Variants in EYS observed in about 807,000 individuals in gnomAD.
The protein encoded by EYS is protein eyes shut homolog.
A neutral mutation model predicts 282.1 loss-of-function variants in EYS; 250 were observed. That is an observed-to-expected ratio of 0.89 (90% CI 0.80 to 0.98). The LOEUF (loss-of-function observed/expected upper bound fraction) is 0.98, where lower values mean the gene tolerates loss of function less well. EYS is among the 50% of genes least tolerant of loss of function. The pLI, the probability that EYS is intolerant of heterozygous loss-of-function variation, is 0.00. For synonymous variants in EYS, 1,355 were observed against 1,282.9 expected, an observed-to-expected ratio of 1.06 and a Z score of -1.20; for missense variants, 4,016 against 3,709.0, an observed-to-expected ratio of 1.08 and a Z score of -2.15.
rs189596132 is a variant in EYS, at chr6:65,019,180, C to A, written c.2138-21477G>T. On this transcript the variant is annotated intron_variant, in intron 13 of 42. Coordinates refer to ENST00000503581, the MANE Select transcript of EYS (RefSeq NM_001142800.2). Reference sequence around the variant, plus strand: ...TTTCAGTCTAATAGGAAAATTATTTCTTTATATTAAAATTTTTGTGAATCT... The same window carrying A: ...TTTCAGTCTAATAGGAAAATTATTTATTTATATTAAAATTTTTGTGAATCT... Among the ~76,000 whole-genome samples, 391 of 152,184 alleles carry A rather than the reference C, an allele frequency of 2.6e-3. 1 individual carries two copies. The highest frequency in any genetic ancestry group is 4.9e-3 in the Non-Finnish European group (330 of 67,986).
intron 22 of EYS, among the ~76,000 whole-genome samples, chr6:64,769,226 A>G (rs1047492700): frequency 2.0e-5 from 3 of 152,092 alleles, no homozygotes; most frequent in African/African-American, 7.2e-5. Flanking sequence ...TTCTGCAGAT[A>G]CCAGCTGAAC....
At chr6:65,531,818 A>G (rs1313614435) in intron 2 of EYS, among the ~76,000 whole-genome samples, 1 of 152,156 alleles carries the variant, frequency 6.6e-6, no homozygotes, top group Non-Finnish European at 1.5e-5. Context: ...GAGCCACCAT[A>G]AGAAGCAACT....
intron 35 of EYS, among the ~76,000 whole-genome samples, chr6:63,924,573 T>C (rs1764663359): frequency 6.6e-6 from 1 of 152,184 alleles, no homozygotes; most frequent in African/African-American, 2.4e-5. Flanking sequence ...GAGAGAACTA[T>C]TTTTGGGGGG....
At chr6:63,812,891 ATTC>A (rs1190209856) in intron 36 of EYS, among the ~76,000 whole-genome samples, 6 of 152,194 alleles carry the variant, frequency 3.9e-5, no homozygotes, top group Admixed American at 1.3e-4. Flanking sequence ...TGGAATCTTA[ATTC>A]TTCTAGTGTG....
At chr6:64,300,363 G>A (rs1020792395) in intron 30 of EYS, among the ~76,000 whole-genome samples, 2 of 152,136 alleles carry the variant, frequency 1.3e-5, no homozygotes, top group Non-Finnish European at 2.9e-5. Context: ...GCAGCCCATG[G>A]CAAAATTTCT....
chr6:65,092,179 A>G (rs951372327), intron 12 of EYS, among the ~76,000 whole-genome samples: 3 of 152,162 alleles, frequency 2.0e-5, no homozygotes, highest in Non-Finnish European at 2.9e-5. Context: ...ATAGAAACTC[A>G]AGAACGAAAA....
intron 26 of EYS, among the ~76,000 whole-genome samples, chr6:64,440,614 T>G (rs1056992233): frequency 2.0e-5 from 3 of 152,086 alleles, no homozygotes; most frequent in East Asian, 1.9e-4. Context: ...TTTTTCCCCA[T>G]GTAGCGTTTC....
At chr6:65,149,669 T>A (rs2150214304) in intron 12 of EYS, among the ~76,000 whole-genome samples, 1 of 152,206 alleles carries the variant, frequency 6.6e-6, no homozygotes, top group Non-Finnish European at 1.5e-5. Flanking sequence ...TCTAGGAAGT[T>A]CCAAACTTTT....
chr6:64,813,661 A>G, intron 21 of EYS, 84 bp from the exon 22 acceptor site: 1 of 866,272 alleles, frequency 1.2e-6, no homozygotes, highest in Non-Finnish European at 1.6e-6. Context: ...TTTAAACATA[A>G]TCTAAAAAAC....
intron 39 of EYS, among the ~76,000 whole-genome samples, chr6:63,781,459 C>G (rs1215889180): frequency 6.6e-6 from 1 of 152,100 alleles, no homozygotes; most frequent in Non-Finnish European, 1.5e-5. Flanking sequence ...TGAAGAGGTC[C>G]TTCACATCCC....
chr6:65,389,429 C>T (rs958145810), intron 7 of EYS, among the ~76,000 whole-genome samples: 3 of 152,136 alleles, frequency 2.0e-5, no homozygotes, highest in Admixed American at 2.0e-4. Context: ...CATTCCCTCG[C>T]ATCATTCAAA....
intron 26 of EYS, among the ~76,000 whole-genome samples, chr6:64,586,856 G>GCTC (rs1430020323): frequency 6.6e-6 from 1 of 151,996 alleles, no homozygotes; most frequent in Non-Finnish European, 1.5e-5. Context: ...GGTTCATGAA[G>GCTC]CTCTGATTGC....
intron 12 of EYS, among the ~76,000 whole-genome samples, chr6:65,112,981 T>C (rs1342870095): frequency 1.3e-5 from 2 of 152,086 alleles, no homozygotes; most frequent in Non-Finnish European, 2.9e-5. Flanking sequence ...ACCTTCTAAA[T>C]TGGTGAAAAT....
chr6:65,340,792 AC>A (rs1770172114), intron 10 of EYS, among the ~76,000 whole-genome samples: 1 of 151,164 alleles, frequency 6.6e-6, no homozygotes, highest in Non-Finnish European at 1.5e-5. Flanking sequence ...TTTCTCCATC[AC>A]CAGAATAGTC....
intron 11 of EYS, among the ~76,000 whole-genome samples, chr6:65,327,901 T>A (rs1264273148): frequency 6.6e-6 from 1 of 151,424 alleles, no homozygotes; most frequent in Non-Finnish European, 1.5e-5. Flanking sequence ...TTCAATATAG[T>A]TAAAAAATTC....
At chr6:64,707,106 TACAC>T (rs541099764) in intron 22 of EYS, among the ~76,000 whole-genome samples, 25 of 112,716 alleles carry the variant, frequency 2.2e-4, no homozygotes, top group Admixed American at 7.0e-4. Context: ...TATATATGCA[TACAC>T]ACACACACAC....
Position 65,447,034 on chromosome 6 carries a change from T to A in EYS, c.863-41667A>T, listed in dbSNP as rs73445191. Among the ~76,000 whole-genome samples the A allele has an allele frequency of 4.5e-3, 689 of 151,678 alleles. 3 individuals carry two copies. The highest frequency in any genetic ancestry group is 0.015 in the African/African-American group (637 of 41,514). ...ATAGCCTATCTTAATCCTCATAACA[T>A]AATCACCAGTATGTGAGAGGAAGTG... On this transcript the variant is annotated intron_variant, in intron 5 of 42. Transcript: ENST00000503581.
chr6:64,175,797 TAG>T (rs1266000679), intron 31 of EYS, among the ~76,000 whole-genome samples: 1 of 152,104 alleles, frequency 6.6e-6, no homozygotes, highest in Non-Finnish European at 1.5e-5. Flanking sequence ...CCAATATCCC[TAG>T]AGACCTTATC....
intron 5 of EYS, among the ~76,000 whole-genome samples, chr6:65,417,646 A>C (rs2150374621): frequency 6.6e-6 from 1 of 152,200 alleles, no homozygotes; most frequent in South Asian, 2.1e-4. Context: ...TAAATGCATA[A>C]GAATGATTGT....
Sources: gnomAD v4.1 joint callset for allele counts (sites outside exome capture counted in the v4.1 genomes callset) on GRCh38, gnomAD v4.1.1 for gene constraint, MANE v1.5 for transcripts, NCBI Gene and HGNC (gene_info 2026-07-23, HGNC 2026-07-21) for gene names.